The following STX8 variants were observed in gnomAD, a reference collection of about 807,000 sequenced individuals.
STX8 encodes syntaxin-8.
In STX8, 23 loss-of-function variants were observed where a neutral mutation model predicts 37.5. The observed-to-expected ratio is 0.61, with a 90% CI of 0.44 to 0.87. STX8 has a LOEUF of 0.87. Ranked by LOEUF, STX8 falls within the 40% of genes least tolerant of loss-of-function variation. STX8 has a pLI of 0.00. For synonymous variants in STX8, 115 were observed against 99.1 expected (o/e 1.16, Z -0.95); for missense variants, 313 against 284.7 (o/e 1.10, Z -0.71).
In STX8 at chr17:9,508,922, T is replaced by C. The variant is rs117592042; in HGVS notation, c.324-3760A>G. Among the ~76,000 whole-genome samples the C allele has an allele frequency of 4.6e-3, 706 of 152,226 alleles. 1 individual carries two copies. Among genetic ancestry groups the C allele is most frequent in the Non-Finnish European group, 6.2e-3 (421 of 68,006 alleles). On this transcript the variant is annotated intron_variant, in intron 4 of 7. Transcript: ENST00000306357. ...CCCTCTTAGGCACATTAGAGTCAAA[T>C]TATCAAAAGTCAAAGACAAAGAATT...
chr17:9,356,424 G>C (rs1376547158), intron 7 of STX8, among the ~76,000 whole-genome samples: 2 of 152,180 alleles, frequency 1.3e-5, no homozygotes, highest in Non-Finnish European at 2.9e-5. Flanking sequence ...GAGAATATAT[G>C]TTGCACATCT....
At chr17:9,272,528 C>G (rs1015394537) in intron 7 of STX8, among the ~76,000 whole-genome samples, 1 of 152,208 alleles carries the variant, frequency 6.6e-6, no homozygotes, top group African/African-American at 2.4e-5. Context: ...AAATAAGTCA[C>G]AAGGGGGTGC....
intron 4 of STX8, among the ~76,000 whole-genome samples, chr17:9,520,405 C>T (rs772149294): frequency 1.3e-5 from 2 of 152,078 alleles, no homozygotes; most frequent in African/African-American, 2.4e-5. Flanking sequence ...GGCATTTTTC[C>T]TCTGCAAAGG....
At chr17:9,312,524 T>C (rs1320916526) in intron 7 of STX8, among the ~76,000 whole-genome samples, 5 of 152,282 alleles carry the variant, frequency 3.3e-5, no homozygotes, top group East Asian at 1.9e-4. Context: ...TTAAGGGATA[T>C]CATAAAAGAT....
At chr17:9,516,682 C>T (rs923373825) in intron 4 of STX8, among the ~76,000 whole-genome samples, 14 of 152,066 alleles carry the variant, frequency 9.2e-5, no homozygotes, top group Admixed American at 8.5e-4. Context: ...TGGGGTGGTG[C>T]CTATTATTAC....
At chr17:9,340,023 C>G (rs939546464) in intron 7 of STX8, among the ~76,000 whole-genome samples, 1 of 152,206 alleles carries the variant, frequency 6.6e-6, no homozygotes, top group Non-Finnish European at 1.5e-5. Flanking sequence ...GCTGACGCAA[C>G]CGCGGGATCC....
intron 6 of STX8, among the ~76,000 whole-genome samples, chr17:9,479,560 T>A (rs1476181363): frequency 1.3e-5 from 2 of 148,498 alleles, no homozygotes; most frequent in Non-Finnish European, 3.0e-5. Flanking sequence ...ATTATATATA[T>A]AAATATATAT....
chr17:9,288,581 G>A (rs1908184591), intron 7 of STX8, among the ~76,000 whole-genome samples: 1 of 152,078 alleles, frequency 6.6e-6, no homozygotes, highest in African/African-American at 2.4e-5. Context: ...AGAATGCCGT[G>A]AACCCGGGAG....
chr17:9,562,408 G>GA lies in STX8; in HGVS notation c.118-4881dup, dbSNP rs112686979. ...GCGACAGAGCGAGACTCCGTCTCAG[G>GA]AAAAAAAAAAAAAAACTTTCACACG... On this transcript the variant is annotated intron_variant, in intron 2 of 7. Coordinates refer to ENST00000306357, the MANE Select transcript of STX8 (RefSeq NM_004853.3). Among the ~76,000 whole-genome samples, 1,419 of 125,492 alleles carry GA rather than the reference G, an allele frequency of 0.011. 58 individuals carry two copies. In the East Asian group the frequency reaches 0.16, roughly 14 times the overall value. The allele number at this position is 125,492 out of a possible 152,430, so 82.3% of individuals were successfully genotyped here.
intron 7 of STX8, among the ~76,000 whole-genome samples, chr17:9,307,477 T>G (rs1206344863): frequency 6.6e-6 from 1 of 152,182 alleles, no homozygotes; most frequent in East Asian, 1.9e-4. Flanking sequence ...GGATTGGAGT[T>G]GCTTCTCCTG....
At chr17:9,417,981 C>T (rs944014886) in intron 6 of STX8, among the ~76,000 whole-genome samples, 5 of 152,144 alleles carry the variant, frequency 3.3e-5, no homozygotes, top group African/African-American at 1.2e-4. Context: ...CAAAATAGTA[C>T]AGCATTTTCC....
At chr17:9,519,037 A>AG (rs1389617589) in intron 4 of STX8, among the ~76,000 whole-genome samples, 3 of 152,158 alleles carry the variant, frequency 2.0e-5, no homozygotes, top group African/African-American at 7.2e-5. Context: ...CAGAATCTGG[A>AG]GGGTTTGGGG....
chr17:9,349,729 GTCTCTC>G (rs71135969), intron 7 of STX8, among the ~76,000 whole-genome samples: 103 of 148,656 alleles, frequency 6.9e-4, no homozygotes, highest in East Asian at 4.9e-3. Context: ...TGTGAATGTG[GTCTCTC>G]TCTCTCTCTC....
intron 7 of STX8, among the ~76,000 whole-genome samples, chr17:9,331,189 A>G (rs1279370647): frequency 2.6e-5 from 4 of 152,202 alleles, no homozygotes; most frequent in Non-Finnish European, 5.9e-5. Flanking sequence ...ATGAGGTATC[A>G]AAGGATACGC....
intron 6 of STX8, among the ~76,000 whole-genome samples, chr17:9,459,983 A>G: frequency 6.6e-6 from 1 of 152,234 alleles, no homozygotes; most frequent in East Asian, 1.9e-4. Context: ...AGCTGGCAAG[A>G]CAGAAATGTG....
intron 7 of STX8, among the ~76,000 whole-genome samples, chr17:9,287,596 C>T (rs1027067427): frequency 2.0e-5 from 3 of 152,130 alleles, no homozygotes; most frequent in Non-Finnish European, 2.9e-5. Context: ...CTCCTCTCAG[C>T]AGTGATGGAC....
chr17:9,442,844 T>C (rs193283320), intron 6 of STX8, among the ~76,000 whole-genome samples: 114 of 152,286 alleles, frequency 7.5e-4, no homozygotes, highest in Admixed American at 7.3e-3. Flanking sequence ...GGTATATTAT[T>C]AGCAGCCAGA....
chr17:9,314,035 T>C (rs1241505976), intron 7 of STX8, among the ~76,000 whole-genome samples: 3 of 152,188 alleles, frequency 2.0e-5, no homozygotes, highest in Non-Finnish European at 4.4e-5. Context: ...TCTCATTTGG[T>C]TTAACAGTTA....
chr17:9,557,789 A>G (rs1215758562), intron 2 of STX8, among the ~76,000 whole-genome samples: 1 of 152,198 alleles, frequency 6.6e-6, no homozygotes, highest in Non-Finnish European at 1.5e-5. Flanking sequence ...GATACTGACT[A>G]GAAACTGTCA....
Sources: gnomAD v4.1 joint callset for allele counts (sites outside exome capture counted in the v4.1 genomes callset) on GRCh38, gnomAD v4.1.1 for gene constraint, MANE v1.5 for transcripts, NCBI Gene and HGNC (gene_info 2026-07-23, HGNC 2026-07-21) for gene names.